Variants in AXIN1 observed in about 807,000 individuals in gnomAD.
AXIN1 encodes the protein axin-1.
AXIN1 carries 30 observed loss-of-function variants against 76.4 expected under a neutral mutation model. That is an observed-to-expected ratio of 0.39 (90% CI 0.29 to 0.53). The LOEUF is 0.53. Among genes scored for constraint, AXIN1 ranks in the 20% least tolerant of loss-of-function variants. The pLI, the probability that AXIN1 is intolerant of heterozygous loss-of-function variation, is 0.66. For synonymous variants in AXIN1, 545 were observed against 501.4 expected (o/e 1.09, Z -1.16); for missense variants, 1,140 against 1,198.8 (o/e 0.95, Z 0.72).
chr16:307,291 G>A (rs572193732), intron 4 of AXIN1, among the ~76,000 whole-genome samples: 9 of 152,296 alleles, frequency 5.9e-5, no homozygotes, highest in African/African-American at 9.6e-5. Flanking sequence ...TGCAGGCTGC[G>A]TCACCACGGT....
Position 352,545 on chromosome 16 carries a change from G to A in AXIN1, c.-258C>T, listed in dbSNP as rs1170393082. ...CGGAGGCGGACGCGGGGCAGGCCGC[G>A]GGGGCGCCGCAGGGGCCCAGCCGCC... is the stretch of plus-strand genomic sequence containing the variant. On this transcript the variant is annotated 5_prime_UTR_variant, in exon 1 of 11. Coordinates refer to ENST00000262320, the MANE Select transcript of AXIN1 (RefSeq NM_003502.4). 9.2e-6 allele frequency: 4 copies of A among 433,150 alleles called. No homozygotes were observed. Among genetic ancestry groups the A allele is most frequent in the African/African-American group, 2.2e-5 (1 of 46,036 alleles). The allele number at this position is 433,150 out of a possible 1,614,324, so 26.8% of individuals were successfully genotyped here.
chr16:326,509 G>A (rs1442739278), intron 2 of AXIN1, among the ~76,000 whole-genome samples: 1 of 151,376 alleles, frequency 6.6e-6, no homozygotes, highest in African/African-American at 2.4e-5. Context: ...AGCACCATGG[G>A]AGGCCAAGGC....
chr16:289,635 C>G (rs2141469435), intron 9 of AXIN1, 28 bp from the exon 10 acceptor site: 1 of 1,611,614 alleles, frequency 6.2e-7, no homozygotes, highest in Non-Finnish European at 8.5e-7. Context: ...GCGGTGGTAC[C>G]TGGTTTTGGA....
chr16:317,892 T>C (rs1048791957), intron 2 of AXIN1, among the ~76,000 whole-genome samples: 1 of 152,234 alleles, frequency 6.6e-6, no homozygotes, highest in Non-Finnish European at 1.5e-5. Context: ...CACTGAACTT[T>C]GGTAACTTTC....
chr16:325,542 G>A (rs185079048), intron 2 of AXIN1, among the ~76,000 whole-genome samples: 34 of 152,314 alleles, frequency 2.2e-4, no homozygotes, highest in Admixed American at 3.9e-4. Flanking sequence ...CCCTCCCCAC[G>A]TCTCGCCTCC....
intron 2 of AXIN1, among the ~76,000 whole-genome samples, chr16:344,015 A>C (rs1429066259): frequency 6.6e-6 from 1 of 151,852 alleles, no homozygotes; most frequent in Non-Finnish European, 1.5e-5. Context: ...TTCAAAAAAA[A>C]AAAAAAGAAA....
At chr16:310,482 C>T (rs1334135637) in intron 3 of AXIN1, among the ~76,000 whole-genome samples, 5 of 152,232 alleles carry the variant, frequency 3.3e-5, no homozygotes, top group African/African-American at 1.2e-4. Context: ...CTGCAAGCTC[C>T]ACCTCCCGGG....
intron 2 of AXIN1, among the ~76,000 whole-genome samples, chr16:330,924 T>C (rs1196404468): frequency 2.0e-5 from 3 of 152,196 alleles, no homozygotes; most frequent in African/African-American, 4.8e-5. Context: ...TTAGAGTCAT[T>C]TGCCAAGATG....
chr16:314,431 CAG>C, intron 3 of AXIN1, 110 bp downstream of exon 3: 1 of 1,527,970 alleles, frequency 6.5e-7, no homozygotes. Context: ...CCGCAAGAAA[CAG>C]GGTGTCTGGG....
At chr16:325,945 C>T (rs759096923) in intron 2 of AXIN1, among the ~76,000 whole-genome samples, 88 of 152,206 alleles carry the variant, frequency 5.8e-4, no homozygotes, top group Non-Finnish European at 1.0e-3. Flanking sequence ...CACTCACTCA[C>T]GCTGGCCACG....
chr16:338,091 C>G (rs1467985547), intron 2 of AXIN1, among the ~76,000 whole-genome samples: 1 of 152,224 alleles, frequency 6.6e-6, no homozygotes, highest in Non-Finnish European at 1.5e-5. Flanking sequence ...ACAGGCGGCC[C>G]TCTCTCCCTG....
intron 9 of AXIN1, chr16:290,064 C>A: frequency 4.1e-6 from 1 of 246,790 alleles, no homozygotes; most frequent in Non-Finnish European, 8.0e-6. Flanking sequence ...GCGGGGGTGG[C>A]CAGCAGGCCC....
At position 288,215 on chromosome 16, in the gene AXIN1, G is replaced by C. The variant is rs765293571; in HGVS notation, c.2496C>G (p.Asp832Glu). ...GAACCTCCTCAAACACCACCCCACAGTCAAACTCGTCGCTCACTTTCTTGA... is the reference window on the plus strand; with the variant it reads ...GAACCTCCTCAAACACCACCCCACACTCAAACTCGTCGCTCACTTTCTTGA... ...YYFKKVSDEF[D>E]CGVVFEEVRE... The change falls in exon 11 of 11, where the codon GAC becomes GAG. Residue 832 changes from aspartate (D) to glutamate (E), a missense_variant. Around this residue, in one of 3 missense-constraint regions of AXIN1, gnomAD observed 429 missense variants for 405.8 expected, o/e 1.06. Transcript: ENST00000262320. 2 of 1,613,706 alleles carry C rather than the reference G, an allele frequency of 1.2e-6. No individual in the cohort carries two copies. The highest frequency in any genetic ancestry group is 1.7e-6 in the Non-Finnish European group (2 of 1,180,008).
intron 3 of AXIN1, among the ~76,000 whole-genome samples, chr16:313,743 G>A (rs1008122220): frequency 6.6e-6 from 1 of 152,270 alleles, no homozygotes; most frequent in African/African-American, 2.4e-5. Context: ...CAACAAGACT[G>A]TTGGCATCAT....
At chr16:300,154 C>T (rs756117797) in intron 5 of AXIN1, among the ~76,000 whole-genome samples, 33 of 151,836 alleles carry the variant, frequency 2.2e-4, no homozygotes, top group Admixed American at 3.9e-4. Flanking sequence ...GTTTGCCAGG[C>T]TGGTCTCGAA....
chr16:293,373 G>T lies in AXIN1; in HGVS notation c.2186+115C>A. 1.9e-6 allele frequency: 2 copies of T among 1,044,946 alleles called. No individual in the cohort carries two copies. Among genetic ancestry groups the T allele is most frequent in the Non-Finnish European group, 2.8e-6 (2 of 710,144 alleles). 64.7% of individuals were successfully genotyped at this position (1,044,946 alleles called of 1,614,324 possible). On this transcript the variant is annotated intron_variant, in intron 8 of 10. Coordinates refer to ENST00000262320, the MANE Select transcript of AXIN1 (RefSeq NM_003502.4). This position sits in a 1 kb window ranked among gnomAD's most constrained non-coding sequence, Gnocchi z 4.6. ...GATGGAAGGGCCCAGTATGGCTGGGGGACACCCAGAGGGCCGTTTTTCCCC... is the reference window on the plus strand; with the variant it reads ...GATGGAAGGGCCCAGTATGGCTGGGTGACACCCAGAGGGCCGTTTTTCCCC...
chr16:294,557 C>G (rs1404522354), intron 7 of AXIN1, among the ~76,000 whole-genome samples: 1 of 147,078 alleles, frequency 6.8e-6, no homozygotes, highest in Admixed American at 6.8e-5. Flanking sequence ...GAGTTCAAGA[C>G]CAGCCTGGCC....
chr16:342,315 T>C (rs996570970), intron 2 of AXIN1, among the ~76,000 whole-genome samples: 1 of 152,136 alleles, frequency 6.6e-6, no homozygotes, highest in South Asian at 2.1e-4. Context: ...CTTTAGGAAC[T>C]GTAACACTCA....
intron 8 of AXIN1, 117 bp from the exon 9 acceptor site, chr16:291,414 A>G (rs1188283637): frequency 2.4e-6 from 2 of 849,380 alleles, no homozygotes; most frequent in Admixed American, 4.0e-5. Flanking sequence ...CGAACAACCC[A>G]CCCTGCGCAG....
Sources: allele counts gnomAD v4.1 joint callset (sites outside exome capture counted in the v4.1 genomes callset), GRCh38; gene constraint gnomAD v4.1.1; regional missense constraint gnomAD v4.1.1; non-coding constraint Gnocchi (gnomAD v3.1); transcripts MANE v1.5; gene names NCBI Gene and HGNC (gene_info 2026-07-23, HGNC 2026-07-21).